SOCS5: variants seen among roughly 807,000 people sequenced by gnomAD.
The protein encoded by SOCS5 is CIS-6.
SOCS5 carries 32 observed loss-of-function variants against 42.8 expected under a neutral mutation model. That is an observed-to-expected ratio of 0.75 (90% CI 0.56 to 1.01). SOCS5 has a LOEUF of 1.01. Among genes scored for constraint, SOCS5 ranks in the 50% least tolerant of loss-of-function variants. SOCS5 has a pLI of 0.00. For missense variants in SOCS5, 627 were observed against 653.0 expected (o/e 0.96, Z 0.43); for synonymous variants, 283 against 229.6 (o/e 1.23, Z -2.10).
At chr2:46,704,701 A>C (rs556473323) in intron 1 of SOCS5, among the ~76,000 whole-genome samples, 1 of 152,336 alleles carries the variant, frequency 6.6e-6, no homozygotes, top group South Asian at 2.1e-4. Flanking sequence ...TTGTTGAAGT[A>C]GTTGGCCTCT....
chr2:46,719,478 CT>C (rs1672830774), intron 1 of SOCS5, among the ~76,000 whole-genome samples: 1 of 151,938 alleles, frequency 6.6e-6, no homozygotes. Context: ...TTTTCTAGAG[CT>C]GGTTTTAAAG....
chr2:46,732,274 A>T lies in SOCS5; in HGVS notation c.-12-26245A>T, dbSNP rs551500611. 9.2e-5 allele frequency among the ~76,000 whole-genome samples: 14 copies of T among 152,340 alleles called. No individual in the cohort carries two copies. In the East Asian group the frequency reaches 2.5e-3, roughly 27 times the overall value. On this transcript the variant is annotated intron_variant, in intron 1 of 1. Transcript: ENST00000394861. ...TTTTATTCCATTCCGAGAGCACACC[A>T]CTGGAAGGAGCTGTCAGTCAGCCTG...
intron 1 of SOCS5, among the ~76,000 whole-genome samples, chr2:46,730,749 A>G (rs866199429): frequency 9.2e-5 from 14 of 152,356 alleles, no homozygotes; most frequent in Middle Eastern, 6.8e-3. Flanking sequence ...AAATCTATCA[A>G]TCACATTTCC....
intron 1 of SOCS5, among the ~76,000 whole-genome samples, chr2:46,720,244 T>A (rs1361625360): frequency 6.6e-6 from 1 of 152,228 alleles, no homozygotes; most frequent in African/African-American, 2.4e-5. Context: ...ATTGTTTTCT[T>A]GTACATCTGA....
intron 1 of SOCS5, among the ~76,000 whole-genome samples, chr2:46,727,144 C>CTTTTTT (rs759203329): frequency 0.01 from 894 of 86,370 alleles, 20 homozygotes; most frequent in African/African-American, 0.036. Context: ...TTGGAGCCTT[C>CTTTTTT]TTTTTTTTTT....
intron 1 of SOCS5, among the ~76,000 whole-genome samples, chr2:46,703,691 TC>T (rs1488373973): frequency 6.6e-6 from 1 of 152,234 alleles, no homozygotes; most frequent in African/African-American, 2.4e-5. Flanking sequence ...TATTTAAAAT[TC>T]ATGGTTATGT....
intron 1 of SOCS5, among the ~76,000 whole-genome samples, chr2:46,739,059 G>C (rs185033562): frequency 4.9e-4 from 75 of 152,288 alleles, no homozygotes; most frequent in African/African-American, 1.8e-3. Context: ...TTGAAGTAAT[G>C]TACCAGTAGA....
rs1672978970 is a variant in SOCS5, at chr2:46,725,826, T to C, written c.-13+26377T>C. Among the ~76,000 whole-genome samples, 5 of 152,144 alleles carry C rather than the reference T, an allele frequency of 3.3e-5. No individual in the cohort carries two copies. In the South Asian group the frequency reaches 1.0e-3, roughly 31 times the overall value. On this transcript the variant is annotated intron_variant, in intron 1 of 1. Transcript: ENST00000394861. ...TCTGCTGGTAATGAATTCTCATAAT[T>C]TTACCTTTATTCAAAAGTGTCCTCA... is the stretch of plus-strand genomic sequence containing the variant.
Position 46,760,198 on chromosome 2 carries a change from A to G in SOCS5, c.*57A>G. 1 of 1,292,528 alleles carries G rather than the reference A, an allele frequency of 7.7e-7. No homozygotes were observed. Among genetic ancestry groups the G allele is most frequent in the South Asian group, 1.3e-5 (1 of 74,434 alleles). The allele number at this position is 1,292,528 out of a possible 1,614,324, so 80.1% of individuals were successfully genotyped here. Reference sequence around the variant, plus strand: ...TCCGCTTTCATGTGCATCAGACAGTACACCTATAGCAAGCACACGTAGCAG... The same window carrying G: ...TCCGCTTTCATGTGCATCAGACAGTGCACCTATAGCAAGCACACGTAGCAG... On this transcript the variant is annotated 3_prime_UTR_variant, in exon 2 of 2. Coordinates refer to ENST00000394861, the MANE Select transcript of SOCS5 (RefSeq NM_144949.3).
Position 46,759,703 on chromosome 2 carries a change from A to G in SOCS5, c.1173A>G (p.Ala391=), listed in dbSNP as rs759068012. 8 of 1,614,058 alleles carry G rather than the reference A, an allele frequency of 5.0e-6. No individual in the cohort carries two copies. The highest frequency in any genetic ancestry group is 6.8e-6 in the Non-Finnish European group (8 of 1,180,024). ...GGGGAGTGATGGACCGTTATGAAGC[A>G]GAAGCCCTTCTCGAAGGGAAACCTG... The part of the protein sequence containing the change: ...CYWGVMDRYE[A]EALLEGKPEG... Residue 391 remains alanine, a synonymous_variant, in exon 2 of 2, where the codon GCA becomes GCG. Coordinates refer to ENST00000394861, the MANE Select transcript of SOCS5 (RefSeq NM_144949.3).
At chr2:46,749,451 A>T (rs926158411) in intron 1 of SOCS5, among the ~76,000 whole-genome samples, 1 of 152,180 alleles carries the variant, frequency 6.6e-6, no homozygotes, top group Non-Finnish European at 1.5e-5. Flanking sequence ...TCTAAGGCTT[A>T]TGTTGTTTGT....
At chr2:46,746,929 T>C (rs1418136532) in intron 1 of SOCS5, among the ~76,000 whole-genome samples, 3 of 133,572 alleles carry the variant, frequency 2.2e-5, no homozygotes, top group African/African-American at 1.1e-4. Context: ...TTTCTTTTTT[T>C]TTTTTTTTTT....
At position 46,705,724 on chromosome 2, in the gene SOCS5, A is replaced by C. The variant is rs115095172; in HGVS notation, c.-13+6275A>C. ...TACATGAGAACAGCAGTCCAACCCC[A>C]TTATCCTTCAGGTGATCAGTACTGG... On this transcript the variant is annotated intron_variant, in intron 1 of 1. Transcript: ENST00000394861. 3.8e-3 allele frequency among the ~76,000 whole-genome samples: 576 copies of C among 152,322 alleles called. 5 individuals are homozygous for C. Among genetic ancestry groups the C allele is most frequent in the African/African-American group, 0.013 (534 of 41,586 alleles).
intron 1 of SOCS5, among the ~76,000 whole-genome samples, chr2:46,749,390 G>A (rs575411404): frequency 1.3e-5 from 2 of 152,134 alleles, no homozygotes; most frequent in Non-Finnish European, 2.9e-5. Flanking sequence ...CGAGACTTAG[G>A]TCTCTAACAC....
intron 1 of SOCS5, among the ~76,000 whole-genome samples, chr2:46,711,657 G>A (rs1196574502): frequency 1.3e-5 from 2 of 152,122 alleles, no homozygotes; most frequent in Non-Finnish European, 2.9e-5. Context: ...TTATGCTAGT[G>A]TTTTTCTGGG....
chr2:46,727,460 TCTTA>T (rs1266897066), intron 1 of SOCS5, among the ~76,000 whole-genome samples: 1 of 152,202 alleles, frequency 6.6e-6, no homozygotes, highest in African/African-American at 2.4e-5. Flanking sequence ...AGACTCTGGA[TCTTA>T]CTTAAATTCC....
intron 1 of SOCS5, among the ~76,000 whole-genome samples, chr2:46,731,058 G>A (rs1472878060): frequency 3.9e-5 from 6 of 152,160 alleles, no homozygotes; most frequent in African/African-American, 1.2e-4. Context: ...GTCTGCATTA[G>A]CAAGATGCGT....
At chr2:46,706,536 A>G (rs1419451312) in intron 1 of SOCS5, among the ~76,000 whole-genome samples, 1 of 152,190 alleles carries the variant, frequency 6.6e-6, no homozygotes, top group Non-Finnish European at 1.5e-5. Context: ...GTCTTGGTGT[A>G]CAGTTTTAGT....
At chr2:46,737,292 T>C (rs1051239513) in intron 1 of SOCS5, among the ~76,000 whole-genome samples, 1 of 152,216 alleles carries the variant, frequency 6.6e-6, no homozygotes, top group Non-Finnish European at 1.5e-5. Flanking sequence ...TGAATTTCTA[T>C]TCTTTTGAAC....
Sources: allele counts gnomAD v4.1 joint callset (sites outside exome capture counted in the v4.1 genomes callset), GRCh38; gene constraint gnomAD v4.1.1; transcripts MANE v1.5; gene names NCBI Gene and HGNC (gene_info 2026-07-23, HGNC 2026-07-21).